Variants in FLRT3 observed in about 807,000 individuals in gnomAD.
FLRT3 encodes fibronectin leucine rich transmembrane protein 3.
In FLRT3, 17 loss-of-function variants were observed where a neutral mutation model predicts 42.6. The observed-to-expected ratio is 0.40, with a 90% confidence interval of 0.27 to 0.60. FLRT3 has a LOEUF of 0.60. Among genes scored for constraint, FLRT3 ranks in the 20% least tolerant of loss-of-function variants. FLRT3 has a pLI of 0.44. For synonymous variants in FLRT3, 279 were observed against 286.4 expected, an observed-to-expected ratio of 0.97 and a Z score of 0.26; for missense variants, 635 against 789.2, an observed-to-expected ratio of 0.80 and a Z score of 2.34.
chr20:14,328,802 T>A (rs923229138), intron 2 of FLRT3: 2 of 152,068 alleles, frequency 1.3e-5, no homozygotes, highest in African/African-American at 4.8e-5. Context: ...CTCATTAAAG[T>A]GGGGGCAGAA....
chr20:14,328,801 G>A (rs2082781515), intron 2 of FLRT3: 1 of 152,100 alleles, frequency 6.6e-6, no homozygotes, highest in African/African-American at 2.4e-5. Flanking sequence ...GCTCATTAAA[G>A]TGGGGGCAGA....
chr20:14,324,672 GT>G lies in FLRT3; in HGVS notation c.*884del. ...ACATCATAAACACTAACAATTTTGT[GT>G]TTATAATTCACTTTTCAAAAATCAG... On this transcript the variant is annotated 3_prime_UTR_variant, in exon 3 of 3. Coordinates refer to ENST00000341420, the MANE Select transcript of FLRT3 (RefSeq NM_198391.3). The G allele has an allele frequency of 6.6e-6, 1 of 152,134 alleles. No homozygotes were observed. Among genetic ancestry groups the G allele is most frequent in the South Asian group, 2.1e-4 (1 of 4,820 alleles). 9.4% of individuals were successfully genotyped at this position (152,134 alleles called of 1,614,324 possible).
chr20:14,326,070 C>T lies in FLRT3; in HGVS notation c.1437G>A (p.Met479Ile). 1.2e-6 allele frequency: 2 copies of T among 1,613,876 alleles called. No homozygotes were observed. Among genetic ancestry groups the T allele is most frequent in the Non-Finnish European group, 1.7e-6 (2 of 1,179,874 alleles). Residue 479 changes from methionine to isoleucine, a missense_variant, in exon 3 of 3, where the codon ATG (methionine) becomes ATA (isoleucine). Transcript: ENST00000341420. The surrounding 1 kb of genome is among the most constrained non-coding windows in gnomAD (Gnocchi z 5.5). ...LEPDSPYKVC[M>I]VPMETSNLYL... ...AGAGGTTGCTGGTTTCCATGGGAACCATGCATACTTTATAGGGTGAATCAG... is the reference window on the plus strand; with the variant it reads ...AGAGGTTGCTGGTTTCCATGGGAACTATGCATACTTTATAGGGTGAATCAG...
chr20:14,324,413 T>C lies in FLRT3; in HGVS notation c.*1144A>G, dbSNP rs2082702626. ...AGTTCATTATATAATATCTGGAAAATTGTGACAGTAATGGGCAGTATTCTT... is the reference window on the plus strand; with the variant it reads ...AGTTCATTATATAATATCTGGAAAACTGTGACAGTAATGGGCAGTATTCTT... On this transcript the variant is annotated 3_prime_UTR_variant, in exon 3 of 3. Coordinates refer to ENST00000341420, the MANE Select transcript of FLRT3 (RefSeq NM_198391.3). The C allele has an allele frequency of 6.6e-6, 1 of 152,522 alleles. No individual in the cohort carries two copies. The highest frequency in any genetic ancestry group is 1.5e-5 in the Non-Finnish European group (1 of 67,986). The allele number at this position is 152,522 out of a possible 1,614,324, so 9.4% of individuals were successfully genotyped here.
Position 14,326,141 on chromosome 20 carries a change from T to A in FLRT3, c.1366A>T (p.Ile456Phe). 1 of 1,613,916 alleles carries A rather than the reference T, an allele frequency of 6.2e-7. No individual in the cohort carries two copies. Among genetic ancestry groups the A allele is most frequent in the Non-Finnish European group, 8.5e-7 (1 of 1,179,880 alleles). ...TACTCACTGCGTTCCCCTGTTACAA[T>A]TGTTTCTGTTATAGATCCAAATGCC... ...SPAFGSITET[I>F]VTGERSEYLV... Residue 456 changes from isoleucine (I) to phenylalanine (F), a missense_variant, in exon 3 of 3, where the codon ATT (isoleucine) becomes TTT (phenylalanine). Physicochemically the swap from Ile to Phe is conservative, Grantham distance 21. Transcript: ENST00000341420. The surrounding 1 kb of genome is among the most constrained non-coding windows in gnomAD (Gnocchi z 5.5).
rs1225454113 is a variant in FLRT3 at position 14,324,559 on chromosome 20, C to A, written c.*998G>T. 1 of 152,150 alleles carries A rather than the reference C, an allele frequency of 6.6e-6. No homozygotes were observed. Among genetic ancestry groups the A allele is most frequent in the Non-Finnish European group, 1.5e-5 (1 of 67,980 alleles). The allele number at this position is 152,150 out of a possible 1,614,324, so 9.4% of individuals were successfully genotyped here. A position where few individuals can be genotyped will look rare whatever the true frequency, so the allele number is the denominator to read the frequency against. On this transcript the variant is annotated 3_prime_UTR_variant, in exon 3 of 3. Transcript: ENST00000341420. ...AAATTATCTCTTATTTAAAGAACTA[C>A]TTTCTCTGGATTGTTGAGGGGAATC... is the stretch of plus-strand genomic sequence containing the variant.
At chr20:14,328,583 A>G (rs947152232) in intron 2 of FLRT3, among the ~76,000 whole-genome samples, 5 of 152,076 alleles carry the variant, frequency 3.3e-5, no homozygotes, top group African/African-American at 9.7e-5. Flanking sequence ...TTCCTACCTT[A>G]TTGAACGATG....
In FLRT3 at chr20:14,323,970, T is replaced by TA. The variant is rs1168955410; in HGVS notation, c.*1586dup. On this transcript the variant is annotated 3_prime_UTR_variant, in exon 3 of 3. Transcript: ENST00000341420. Reference sequence around the variant, plus strand: ...ACATGAAACACTGAACTCTTTGAAGTAAAATGATACACAACCTCAAGATGT... The same window carrying TA: ...ACATGAAACACTGAACTCTTTGAAGTAAAAATGATACACAACCTCAAGATGT... 3.3e-5 allele frequency: 5 copies of TA among 152,178 alleles called. No individual in the cohort carries two copies. The highest frequency in any genetic ancestry group is 1.2e-4 in the African/African-American group (5 of 41,462). The allele number at this position is 152,178 out of a possible 1,614,324, so 9.4% of individuals were successfully genotyped here. A position where few individuals can be genotyped will look rare whatever the true frequency, so the allele number is the denominator to read the frequency against.
At position 14,326,255 on chromosome 20, in the gene FLRT3, C is replaced by A; in HGVS notation, c.1252G>T (p.Val418Phe). The A allele has an allele frequency of 6.2e-7, 1 of 1,613,920 alleles. No individual in the cohort carries two copies. Among genetic ancestry groups the A allele is most frequent in the Non-Finnish European group, 8.5e-7 (1 of 1,179,866 alleles). The change falls in exon 3 of 3, where the codon GTC becomes TTC. Residue 418 changes from valine to phenylalanine, a missense_variant. Coordinates refer to ENST00000341420, the MANE Select transcript of FLRT3 (RefSeq NM_198391.3). This position sits in a 1 kb window ranked among gnomAD's most constrained non-coding sequence, Gnocchi z 5.5. ...RKTITITVKS[V>F]TSDTIHISWK... ...GAGATATGAATGGTATCAGAGGTGA[C>A]AGACTTCACAGTAATTGTAATTGTT...
At chr20:14,336,199 G>T (rs2082933332) in intron 1 of FLRT3, among the ~76,000 whole-genome samples, 1 of 151,826 alleles carries the variant, frequency 6.6e-6, no homozygotes, top group African/African-American at 2.4e-5. Flanking sequence ...TATTTATGTT[G>T]TTTCTGGATA....
intron 1 of FLRT3, among the ~76,000 whole-genome samples, chr20:14,335,864 G>T (rs1004407828): frequency 6.6e-6 from 1 of 152,052 alleles, no homozygotes; most frequent in Admixed American, 6.6e-5. Context: ...ATGTGCGTTT[G>T]TCTGTGTGTA....
rs900443830 is a variant in FLRT3, at chr20:14,324,393, A to G, written c.*1164T>C. ...GAAGGAAATGTTACATTACGAGTTC[A>G]TTATATAATATCTGGAAAATTGTGA... On this transcript the variant is annotated 3_prime_UTR_variant, in exon 3 of 3. Transcript: ENST00000341420. The G allele has an allele frequency of 6.6e-6, 1 of 152,572 alleles. No homozygotes were observed. Among genetic ancestry groups the G allele is most frequent in the African/African-American group, 2.4e-5 (1 of 41,440 alleles). The allele number at this position is 152,572 out of a possible 1,614,324, so 9.5% of individuals were successfully genotyped here.
intron 1 of FLRT3, among the ~76,000 whole-genome samples, chr20:14,334,000 A>G (rs2082890429): frequency 6.6e-6 from 1 of 152,238 alleles, no homozygotes; most frequent in Non-Finnish European, 1.5e-5. Flanking sequence ...GAGTGAGAGC[A>G]ATTTCTCCCT....
At chr20:14,331,126 T>G (rs1163965597) in intron 1 of FLRT3, among the ~76,000 whole-genome samples, 1 of 152,086 alleles carries the variant, frequency 6.6e-6, no homozygotes, top group African/African-American at 2.4e-5. Context: ...ATCCGCTGAT[T>G]GGGGATTTAA....
chr20:14,326,057 T>C lies in FLRT3; in HGVS notation c.1450A>G (p.Thr484Ala), dbSNP rs548416390. 4 of 1,613,940 alleles carry C rather than the reference T, an allele frequency of 2.5e-6. No individual in the cohort carries two copies. In the African/African-American group the frequency reaches 5.3e-5, roughly 22 times the overall value. Residue 484 changes from threonine to alanine, a missense_variant, in exon 3 of 3, where the codon ACC (threonine) becomes GCC (alanine). Coordinates refer to ENST00000341420, the MANE Select transcript of FLRT3 (RefSeq NM_198391.3). The surrounding 1 kb of genome is among the most constrained non-coding windows in gnomAD (Gnocchi z 5.5). ...PYKVCMVPME[T>A]SNLYLFDETP... Reference sequence around the variant, plus strand: ...TCATCAAATAGGTAGAGGTTGCTGGTTTCCATGGGAACCATGCATACTTTA... The same window carrying C: ...TCATCAAATAGGTAGAGGTTGCTGGCTTCCATGGGAACCATGCATACTTTA...
intron 1 of FLRT3, among the ~76,000 whole-genome samples, chr20:14,336,053 C>T (rs993911868): frequency 6.6e-6 from 1 of 152,038 alleles, no homozygotes; most frequent in Non-Finnish European, 1.5e-5. Context: ...TCATCTGTCA[C>T]TTTGGGTCAG....
Position 14,326,324 on chromosome 20 carries a change from T to C in FLRT3, c.1183A>G (p.Lys395Glu), listed in dbSNP as rs752462884. The change falls in exon 3 of 3, where the codon AAG becomes GAG. Residue 395 changes from lysine (K) to glutamate (E), a missense_variant. Transcript: ENST00000341420. This position sits in a 1 kb window ranked among gnomAD's most constrained non-coding sequence, Gnocchi z 5.5. ...VTKQPDIKNP[K>E]LTKDHQTTGS... Reference sequence around the variant, plus strand: ...GTGGTTTGGTGATCCTTAGTGAGCTTGGGGTTCTTAATATCTGGCTGTTTG... The same window carrying C: ...GTGGTTTGGTGATCCTTAGTGAGCTCGGGGTTCTTAATATCTGGCTGTTTG... 1.2e-6 allele frequency: 2 copies of C among 1,613,896 alleles called. No homozygotes were observed. The highest frequency in any genetic ancestry group is 3.3e-5 in the Admixed American group (2 of 59,994).
At position 14,326,796 on chromosome 20, in the gene FLRT3, C is replaced by G; in HGVS notation, c.711G>C (p.Leu237=). 6.2e-7 allele frequency: 1 copy of G among 1,613,752 alleles called. No individual in the cohort carries two copies. Among genetic ancestry groups the G allele is most frequent in the Admixed American group, 1.7e-5 (1 of 59,968 alleles). ...LTELSLVRNS[L]TAAPVNLPGT... ...CTGGAAGGTTTACTGGTGCAGCAGT[C>G]AGGGAATTCCGCACCAGGGACAGCT... is the stretch of plus-strand genomic sequence containing the variant. The change falls in exon 3 of 3, where the codon CTG becomes CTC. Residue 237 remains leucine (L), a synonymous_variant. Coordinates refer to ENST00000341420, the MANE Select transcript of FLRT3 (RefSeq NM_198391.3). The surrounding 1 kb of genome is among the most constrained non-coding windows in gnomAD (Gnocchi z 5.5).
chr20:14,331,871 C>T (rs2082848291), intron 1 of FLRT3, among the ~76,000 whole-genome samples: 1 of 152,100 alleles, frequency 6.6e-6, no homozygotes, highest in East Asian at 1.9e-4. Flanking sequence ...ATGACCCCCA[C>T]TGGCATGGAC....
Sources: gnomAD v4.1 joint callset for allele counts (sites outside exome capture counted in the v4.1 genomes callset) on GRCh38, gnomAD v4.1.1 for gene constraint, Gnocchi (gnomAD v3.1) non-coding constraint, MANE v1.5 for transcripts, NCBI Gene and HGNC (gene_info 2026-07-23, HGNC 2026-07-21) for gene names.